SNTG1: variants seen among roughly 807,000 people sequenced by gnomAD.
SNTG1 encodes the protein syntrophin gamma 1.
SNTG1 carries 39 observed loss-of-function variants against 74.7 expected under a neutral mutation model. That is an observed-to-expected ratio of 0.52 (90% CI 0.40 to 0.68). The LOEUF is 0.68. Among genes scored for constraint, SNTG1 ranks in the 30% least tolerant of loss-of-function variants. SNTG1 has a pLI of 0.00. For synonymous variants in SNTG1, 254 were observed against 217.1 expected, an observed-to-expected ratio of 1.17 and a Z score of -1.49; for missense variants, 685 against 609.5, an observed-to-expected ratio of 1.12 and a Z score of -1.30.
At chr8:50,116,012 C>T (rs553052079) in intron 1 of SNTG1, among the ~76,000 whole-genome samples, 60 of 152,256 alleles carry the variant, frequency 3.9e-4, no homozygotes, top group African/African-American at 1.4e-3. Context: ...CACACAGTCA[C>T]AGCACCATGA....
At chr8:50,193,998 T>A (rs2131802279) in intron 2 of SNTG1, among the ~76,000 whole-genome samples, 1 of 152,288 alleles carries the variant, frequency 6.6e-6, no homozygotes, top group Admixed American at 6.5e-5. Context: ...TATTAAACCA[T>A]CCCTGCATCT....
At chr8:50,685,727 C>T (rs572826276) in intron 15 of SNTG1, among the ~76,000 whole-genome samples, 1 of 152,286 alleles carries the variant, frequency 6.6e-6, no homozygotes, top group East Asian at 1.9e-4. Flanking sequence ...TAAGCTGTCA[C>T]TGAATTCAGA....
At chr8:50,374,548 ACCAGGTAC>A (rs1284056506) in intron 2 of SNTG1, among the ~76,000 whole-genome samples, 4 of 152,162 alleles carry the variant, frequency 2.6e-5, no homozygotes, top group Admixed American at 1.3e-4. Context: ...CTCTTCCCAG[ACCAGGTAC>A]CCAGTTCATA....
intron 1 of SNTG1, among the ~76,000 whole-genome samples, chr8:50,064,793 C>A (rs1022440469): frequency 1.7e-4 from 26 of 152,252 alleles, no homozygotes; most frequent in African/African-American, 6.0e-4. Flanking sequence ...GTTGCAGCTC[C>A]CCTGCTAGCT....
At chr8:50,102,147 A>G (rs893940362) in intron 1 of SNTG1, among the ~76,000 whole-genome samples, 1 of 149,024 alleles carries the variant, frequency 6.7e-6, no homozygotes, top group Non-Finnish European at 1.5e-5. Flanking sequence ...GACTTCCACA[A>G]TGGTTGAACT....
Position 50,461,156 on chromosome 8 carries a change from G to GGTGTGTGTGTGT in SNTG1, c.363+10465_363+10476dup, listed in dbSNP as rs71233496. Among the ~76,000 whole-genome samples, 95 of 124,172 alleles carry GGTGTGTGTGTGT rather than the reference G, an allele frequency of 7.7e-4. 1 individual carries two copies. The highest frequency in any genetic ancestry group is 1.1e-3 in the Non-Finnish European group (62 of 58,978). The allele number at this position is 124,172 out of a possible 152,430, so 81.5% of individuals were successfully genotyped here. On this transcript the variant is annotated intron_variant, in intron 8 of 18. Transcript: ENST00000642720. ...AATGTCCTTCAGCTGAGATTTTTCT[G>GGTGTGTGTGTGT]GTGTGTGTGTGTGTGTGTGTGTGTG... is the stretch of plus-strand genomic sequence containing the variant.
At chr8:50,590,033 T>G (rs1396478886) in intron 12 of SNTG1, among the ~76,000 whole-genome samples, 13 of 152,188 alleles carry the variant, frequency 8.5e-5, no homozygotes, top group Non-Finnish European at 1.9e-4. Flanking sequence ...TTTTCCAACT[T>G]TGTGTACTTT....
intron 2 of SNTG1, among the ~76,000 whole-genome samples, chr8:50,334,481 T>C (rs1163533465): frequency 6.6e-6 from 1 of 151,234 alleles, no homozygotes; most frequent in African/African-American, 2.4e-5. Context: ...TTGCCTGGGA[T>C]TTTGTCCTCA....
chr8:50,108,994 A>G (rs1442266312), intron 1 of SNTG1, among the ~76,000 whole-genome samples: 1 of 152,192 alleles, frequency 6.6e-6, no homozygotes, highest in Non-Finnish European at 1.5e-5. Flanking sequence ...AGTAGGAAGC[A>G]TAATTGACTT....
chr8:50,512,429 G>A (rs1470576906), intron 9 of SNTG1, among the ~76,000 whole-genome samples: 2 of 152,062 alleles, frequency 1.3e-5, no homozygotes, highest in African/African-American at 2.4e-5. Context: ...TCTTTGTGGT[G>A]TTCTCTGTAT....
At chr8:50,281,528 T>G (rs1169550068) in intron 2 of SNTG1, among the ~76,000 whole-genome samples, 1 of 152,152 alleles carries the variant, frequency 6.6e-6, no homozygotes, top group South Asian at 2.1e-4. Flanking sequence ...AAAGACAGTT[T>G]TGTTTTTAGT....
intron 8 of SNTG1, among the ~76,000 whole-genome samples, chr8:50,475,290 A>T (rs2093688508): frequency 6.6e-6 from 1 of 152,058 alleles, no homozygotes; most frequent in East Asian, 1.9e-4. Flanking sequence ...AATGGTTAAG[A>T]TGGAACATTT....
At chr8:50,493,645 T>G (rs1309037690) in intron 8 of SNTG1, among the ~76,000 whole-genome samples, 1 of 151,700 alleles carries the variant, frequency 6.6e-6, no homozygotes, top group Admixed American at 6.6e-5. Context: ...TTATACAGAG[T>G]TTAAGATTTA....
chr8:50,662,530 G>A (rs1438140507), intron 15 of SNTG1, among the ~76,000 whole-genome samples: 1 of 152,172 alleles, frequency 6.6e-6, no homozygotes, highest in Non-Finnish European at 1.5e-5. Flanking sequence ...TAAGTAAATA[G>A]CCTAAGGTCA....
chr8:50,594,547 A>G (rs1390940077), intron 13 of SNTG1, among the ~76,000 whole-genome samples: 2 of 152,240 alleles, frequency 1.3e-5, no homozygotes, highest in Admixed American at 6.5e-5. Context: ...TTGACATTTG[A>G]CGAACCATAA....
chr8:50,377,039 A>G (rs2092400903), intron 2 of SNTG1, among the ~76,000 whole-genome samples: 1 of 152,046 alleles, frequency 6.6e-6, no homozygotes, highest in Non-Finnish European at 1.5e-5. Context: ...CCAGGCTCAC[A>G]ATGGGTCGGC....
At chr8:50,566,478 A>T (rs903629600) in intron 12 of SNTG1, among the ~76,000 whole-genome samples, 1 of 152,022 alleles carries the variant, frequency 6.6e-6, no homozygotes, top group Non-Finnish European at 1.5e-5. Context: ...TTGTGATATT[A>T]ATTGACCAAG....
chr8:50,441,725 G>T (rs2093359337), intron 5 of SNTG1, among the ~76,000 whole-genome samples: 1 of 151,874 alleles, frequency 6.6e-6, no homozygotes, highest in African/African-American at 2.4e-5. Context: ...CCAAATCTGA[G>T]CCTGTCCTTG....
chr8:50,451,132 C>T lies in SNTG1; in HGVS notation c.363+403C>T, dbSNP rs554264815. On this transcript the variant is annotated intron_variant, in intron 8 of 18. Transcript: ENST00000642720. The stretch of plus-strand genomic sequence containing the variant: ...CCTCCCTATTCATGGGATTTCACAT[C>T]GGCAGATTCAACCAACCATCTGTAG... Among the ~76,000 whole-genome samples, 7 of 152,032 alleles carry T rather than the reference C, an allele frequency of 4.6e-5. No individual in the cohort carries two copies. In the South Asian group the frequency reaches 1.0e-3, roughly 23 times the overall value.
Sources: allele counts gnomAD v4.1 joint callset (sites outside exome capture counted in the v4.1 genomes callset), GRCh38; gene constraint gnomAD v4.1.1; transcripts MANE v1.5; gene names NCBI Gene and HGNC (gene_info 2026-07-23, HGNC 2026-07-21).